Variants in SIAH3 observed in about 807,000 individuals in gnomAD.
SIAH3 encodes seven in absentia homolog 3.
SIAH3 carries 9 observed loss-of-function variants against 12.6 expected under a neutral mutation model. The observed-to-expected ratio is 0.72, with a 90% CI of 0.43 to 1.25. The LOEUF (loss-of-function observed/expected upper bound fraction) is 1.25, where lower values mean the gene tolerates loss of function less well. Among genes scored for constraint, SIAH3 ranks in the 50% most tolerant of loss-of-function variants. The probability of loss-of-function intolerance (pLI) is 0.00; values close to 1 mark genes in which losing one functional copy is unlikely to be tolerated. For missense variants in SIAH3, 390 were observed against 365.4 expected, an observed-to-expected ratio of 1.07 and a Z score of -0.55; for synonymous variants, 154 against 151.1, an observed-to-expected ratio of 1.02 and a Z score of -0.14.
At chr13:45,837,817 A>G (rs1950724221) in intron 1 of SIAH3, among the ~76,000 whole-genome samples, 1 of 152,200 alleles carries the variant, frequency 6.6e-6, no homozygotes, top group Non-Finnish European at 1.5e-5. Flanking sequence ...TCTCATAGAT[A>G]TGAATATTAG....
chr13:45,846,664 G>A lies in SIAH3; in HGVS notation c.135+4831C>T, dbSNP rs557447070. ...CTGCGGATTTCAAAGAAAGCTTTCC[G>A]TATCTATTTTCTAATTTTCCCAAAT... On this transcript the variant is annotated intron_variant, in intron 1 of 1. Coordinates refer to ENST00000400405, the MANE Select transcript of SIAH3 (RefSeq NM_198849.3). Among the ~76,000 whole-genome samples the A allele has an allele frequency of 3.7e-4, 56 of 152,278 alleles. 1 individual carries two copies. The South Asian group carries it at 0.011, about 30-fold the overall frequency.
At chr13:45,849,454 C>G (rs1281107000) in intron 1 of SIAH3, among the ~76,000 whole-genome samples, 1 of 152,144 alleles carries the variant, frequency 6.6e-6, no homozygotes, top group Non-Finnish European at 1.5e-5. Flanking sequence ...CAATAACATA[C>G]ATTATTTTTA....
intron 1 of SIAH3, among the ~76,000 whole-genome samples, chr13:45,787,414 A>G (rs1950531944): frequency 6.6e-6 from 1 of 152,184 alleles, no homozygotes; most frequent in African/African-American, 2.4e-5. Flanking sequence ...ATCCTGCCTC[A>G]CTAGCTCACT....
intron 1 of SIAH3, among the ~76,000 whole-genome samples, chr13:45,832,819 A>T (rs1950704434): frequency 6.6e-6 from 1 of 152,118 alleles, no homozygotes; most frequent in Non-Finnish European, 1.5e-5. Context: ...ATTCCTCCAC[A>T]CCCTCAGAAA....
chr13:45,818,504 T>C (rs565701462), intron 1 of SIAH3, among the ~76,000 whole-genome samples: 1 of 152,346 alleles, frequency 6.6e-6, no homozygotes, highest in South Asian at 2.1e-4. Context: ...TCATTATCAC[T>C]GGGCCAAAAT....
chr13:45,789,599 G>T (rs1304078296), intron 1 of SIAH3, among the ~76,000 whole-genome samples: 1 of 152,134 alleles, frequency 6.6e-6, no homozygotes, highest in Non-Finnish European at 1.5e-5. Flanking sequence ...TAGGGACGGG[G>T]TTTCACCATG....
chr13:45,827,705 G>T (rs973739886), intron 1 of SIAH3, among the ~76,000 whole-genome samples: 1 of 152,156 alleles, frequency 6.6e-6, no homozygotes, highest in African/African-American at 2.4e-5. Context: ...GCTACATCAG[G>T]CTCTGATTGA....
chr13:45,794,125 CT>C (rs1197574145), intron 1 of SIAH3, among the ~76,000 whole-genome samples: 5 of 149,718 alleles, frequency 3.3e-5, no homozygotes, highest in South Asian at 2.1e-4. Flanking sequence ...TGGAGTCTTA[CT>C]CTGTCACCCA....
At chr13:45,846,555 A>T (rs1300622343) in intron 1 of SIAH3, among the ~76,000 whole-genome samples, 1 of 152,190 alleles carries the variant, frequency 6.6e-6, no homozygotes, top group Non-Finnish European at 1.5e-5. Flanking sequence ...ACCCCCACAG[A>T]CAGTTAATTT....
rs944407935 is a variant in SIAH3, at chr13:45,830,027, G to A, written c.135+21468C>T. ...TAAATGTTTCAGAGGTACACACTAA[G>A]CCAATAGGCTGTTAAATGCAGTCCA... is the stretch of plus-strand genomic sequence containing the variant. On this transcript the variant is annotated intron_variant, in intron 1 of 1. Coordinates refer to ENST00000400405, the MANE Select transcript of SIAH3 (RefSeq NM_198849.3). Among the ~76,000 whole-genome samples, 9 of 152,178 alleles carry A rather than the reference G, an allele frequency of 5.9e-5. No individual in the cohort carries two copies. The South Asian group carries it at 8.3e-4, about 14-fold the overall frequency.
intron 1 of SIAH3, among the ~76,000 whole-genome samples, chr13:45,796,872 G>T (rs556938454): frequency 6.6e-6 from 1 of 152,288 alleles, no homozygotes; most frequent in South Asian, 2.1e-4. Flanking sequence ...GTGGGGGCAG[G>T]TGTTTTATTG....
At chr13:45,814,873 C>A (rs1265986779) in intron 1 of SIAH3, among the ~76,000 whole-genome samples, 2 of 152,094 alleles carry the variant, frequency 1.3e-5, no homozygotes, top group Admixed American at 6.5e-5. Context: ...TAGGTGTGTG[C>A]CACCATGCCC....
chr13:45,789,361 TATCTATCTATC>T (rs1184995632), intron 1 of SIAH3, among the ~76,000 whole-genome samples: 5 of 4,152 alleles, frequency 1.2e-3, no homozygotes, highest in Non-Finnish European at 1.6e-3. Flanking sequence ...ATCTATCATC[TATCTATCTATC>T]TATCTATCTA....
At chr13:45,800,645 C>A (rs1455605815) in intron 1 of SIAH3, among the ~76,000 whole-genome samples, 2 of 152,210 alleles carry the variant, frequency 1.3e-5, no homozygotes, top group Non-Finnish European at 2.9e-5. Context: ...CACTTCCAAT[C>A]CCTTCCTTTT....
Position 45,851,707 on chromosome 13 carries a change from C to G in SIAH3, c.-78G>C. 6.3e-7 allele frequency: 1 copy of G among 1,577,400 alleles called. No individual in the cohort carries two copies. The highest frequency in any genetic ancestry group is 8.7e-7 in the Non-Finnish European group (1 of 1,153,372). ...TCCTTGGGCCCTGGAAGGAGCGCAG[C>G]CTCTGAGACACTCCGCTCCAGCCCG... On this transcript the variant is annotated 5_prime_UTR_variant, in exon 1 of 2. Transcript: ENST00000400405.
intron 1 of SIAH3, among the ~76,000 whole-genome samples, chr13:45,801,099 G>GGGA (rs1555257358): frequency 7.9e-6 from 1 of 125,902 alleles, no homozygotes; most frequent in African/African-American, 2.8e-5. Flanking sequence ...GGGTGGCGGG[G>GGGA]GGGGGCATGG....
At chr13:45,833,914 A>G (rs1315075959) in intron 1 of SIAH3, among the ~76,000 whole-genome samples, 2 of 151,996 alleles carry the variant, frequency 1.3e-5, no homozygotes, top group Admixed American at 1.3e-4. Context: ...AGTTTTCCTG[A>G]GGCGTCTGCA....
chr13:45,808,934 G>C (rs887688688), intron 1 of SIAH3, among the ~76,000 whole-genome samples: 1 of 152,190 alleles, frequency 6.6e-6, no homozygotes, highest in African/African-American at 2.4e-5. Context: ...CATCTGATAA[G>C]GCAAAGTAAA....
At chr13:45,805,229 T>C (rs185407879) in intron 1 of SIAH3, among the ~76,000 whole-genome samples, 175 of 152,074 alleles carry the variant, frequency 1.2e-3, no homozygotes, top group Non-Finnish European at 2.0e-3. Context: ...AAAAAACTAT[T>C]CTAAAATTTA....
Sources: gnomAD v4.1 joint callset for allele counts (sites outside exome capture counted in the v4.1 genomes callset) on GRCh38, gnomAD v4.1.1 for gene constraint, MANE v1.5 for transcripts, NCBI Gene and HGNC (gene_info 2026-07-23, HGNC 2026-07-21) for gene names.